The following DNAH3 variants were observed in gnomAD, a reference collection of about 807,000 sequenced individuals.
The protein encoded by DNAH3 is dynein axonemal heavy chain 3.
DNAH3 carries 332 observed loss-of-function variants against 432.5 expected under a neutral mutation model. That is an observed-to-expected ratio of 0.77 (90% CI 0.70 to 0.84). The LOEUF (loss-of-function observed/expected upper bound fraction) is 0.84, where lower values mean the gene tolerates loss of function less well. Ranked by LOEUF, DNAH3 falls within the 40% of genes least tolerant of loss-of-function variation. The pLI is 0.00. For synonymous variants in DNAH3, 1,956 were observed against 1,900.2 expected, an observed-to-expected ratio of 1.03 and a Z score of -0.76; for missense variants, 4,861 against 5,114.0, an observed-to-expected ratio of 0.95 and a Z score of 1.51.
At chr16:20,994,809 A>ATT (rs2086694057) in intron 44 of DNAH3, among the ~76,000 whole-genome samples, 1 of 152,180 alleles carries the variant, frequency 6.6e-6, no homozygotes, top group Non-Finnish European at 1.5e-5. Flanking sequence ...AAAGACAATA[A>ATT]CATCTTTAAG....
chr16:21,154,159 C>T (rs886129259), intron 1 of DNAH3, among the ~76,000 whole-genome samples: 1 of 152,228 alleles, frequency 6.6e-6, no homozygotes, highest in African/African-American at 2.4e-5. Flanking sequence ...ATCCCAGCAG[C>T]TGGGGAGGCC....
chr16:21,099,828 A>C (rs1218306389), intron 16 of DNAH3, among the ~76,000 whole-genome samples: 1 of 152,138 alleles, frequency 6.6e-6, no homozygotes, highest in Non-Finnish European at 1.5e-5. Flanking sequence ...TTATTTATTA[A>C]TTTTTACCCA....
intron 16 of DNAH3, among the ~76,000 whole-genome samples, chr16:21,100,419 A>T (rs565139905): frequency 2.6e-5 from 4 of 152,266 alleles, no homozygotes; most frequent in South Asian, 2.1e-4. Flanking sequence ...ATAAGCTGTA[A>T]TTTTAGACTC....
chr16:20,989,029 C>T lies in DNAH3; in HGVS notation c.6602-964G>A, dbSNP rs1210392314. Among the ~76,000 whole-genome samples the T allele has an allele frequency of 7.2e-5, 11 of 152,170 alleles. No individual in the cohort carries two copies. In the East Asian group the frequency reaches 2.1e-3, roughly 29 times the overall value. Reference sequence around the variant, plus strand: ...TTACAGCTCATAAAAGCAGTGTGGACCCACAGAGTGAGCACCAGTAAGATT... The same window carrying T: ...TTACAGCTCATAAAAGCAGTGTGGATCCACAGAGTGAGCACCAGTAAGATT... On this transcript the variant is annotated intron_variant, in intron 44 of 61. Transcript: ENST00000261383.
exon 4 of DNAH3, chr16:21,141,347 C>T (rs2092716441): frequency 2.5e-6 from 4 of 1,591,128 alleles, no homozygotes; most frequent in African/African-American, 1.3e-5. Context: ...TTTTTTTCCT[C>T]ATGGGCTCTG....
At chr16:21,084,780 G>A (rs115192335) in intron 19 of DNAH3, among the ~76,000 whole-genome samples, 2,193 of 152,218 alleles carry the variant, frequency 0.014, 52 homozygotes, top group African/African-American at 0.049. Flanking sequence ...GCCTGGTTGG[G>A]ATTTTCTGAG....
chr16:21,103,363 G>GC (rs10665686), intron 16 of DNAH3, among the ~76,000 whole-genome samples: 2 of 138,924 alleles, frequency 1.4e-5, no homozygotes, highest in African/African-American at 2.6e-5. Context: ...GTGGGGGGGG[G>GC]CAGGGTGGGG....
chr16:21,051,693 T>A (rs746079237), exon 29 of DNAH3: 1 of 1,613,128 alleles, frequency 6.2e-7, no homozygotes, highest in Non-Finnish European at 8.5e-7. Context: ...CGGTGAGGGG[T>A]GTGATCACCA....
At chr16:21,036,717 G>C (rs1227031456) in exon 35 of DNAH3, 1 of 1,613,844 alleles carries the variant, frequency 6.2e-7, no homozygotes, top group Non-Finnish European at 8.5e-7. Context: ...AACCAACCTG[G>C]ATAATTTTCC....
chr16:21,142,192 C>T (rs2092728093), intron 3 of DNAH3, among the ~76,000 whole-genome samples: 1 of 151,816 alleles, frequency 6.6e-6, no homozygotes, highest in African/African-American at 2.4e-5. Context: ...TGGTGAAATC[C>T]CCCATCTCTA....
intron 1 of DNAH3, chr16:21,159,215 G>C: frequency 9.8e-7 from 1 of 1,017,656 alleles, no homozygotes; most frequent in Non-Finnish European, 1.6e-6. Flanking sequence ...AGATCTGCAA[G>C]TATCAAAGGG....
At chr16:21,006,016 G>T (rs553960385) in intron 41 of DNAH3, among the ~76,000 whole-genome samples, 2 of 152,188 alleles carry the variant, frequency 1.3e-5, no homozygotes, top group East Asian at 3.9e-4. Flanking sequence ...CATTTTAAGA[G>T]AAGTTTCTGC....
chr16:20,986,928 A>G lies in DNAH3; in HGVS notation c.7026+377T>C, dbSNP rs150203500. On this transcript the variant is annotated intron_variant, in intron 47 of 61. Transcript: ENST00000261383. ...AGAAAATATTCACACCTGGAAAACCATAACAATCTTTCACTTGAGCTTTAT... is the reference window on the plus strand; with the variant it reads ...AGAAAATATTCACACCTGGAAAACCGTAACAATCTTTCACTTGAGCTTTAT... 1.7e-4 allele frequency among the ~76,000 whole-genome samples: 26 copies of G among 152,346 alleles called. No individual in the cohort carries two copies. The East Asian group carries it at 4.0e-3, about 24-fold the overall frequency.
intron 17 of DNAH3, among the ~76,000 whole-genome samples, chr16:21,098,047 T>C (rs1435665812): frequency 6.6e-6 from 1 of 152,192 alleles, no homozygotes; most frequent in African/African-American, 2.4e-5. Flanking sequence ...AAATGTTCAA[T>C]AAATGTGAAC....
At chr16:21,080,710 C>T (rs1411486047) in intron 20 of DNAH3, among the ~76,000 whole-genome samples, 16 of 152,144 alleles carry the variant, frequency 1.1e-4, no homozygotes, top group Non-Finnish European at 2.9e-5. Context: ...GCTGATGCAG[C>T]AGATCTGGGT....
At chr16:21,067,888 C>A (rs2090629507) in intron 23 of DNAH3, among the ~76,000 whole-genome samples, 1 of 151,580 alleles carries the variant, frequency 6.6e-6, no homozygotes, top group South Asian at 2.1e-4. Flanking sequence ...GGTTCTAGAT[C>A]CATCTTTTGT....
At chr16:21,074,341 G>A (rs1255185999) in intron 21 of DNAH3, among the ~76,000 whole-genome samples, 1 of 152,140 alleles carries the variant, frequency 6.6e-6, no homozygotes, top group Admixed American at 6.5e-5. Context: ...GGGAGGGGAG[G>A]AGCCAGGAAG....
intron 51 of DNAH3, 104 bp from the exon 52 acceptor site, chr16:20,970,094 C>T: frequency 1.8e-6 from 2 of 1,088,228 alleles, no homozygotes; most frequent in South Asian, 1.3e-5. Context: ...GAGGTGCTTC[C>T]TCTTCCAGAT....
Position 21,020,265 on chromosome 16 carries a change from A to C in DNAH3, c.5777-396T>G, listed in dbSNP as rs562189307. On this transcript the variant is annotated intron_variant, in intron 40 of 61. Transcript: ENST00000261383. ...TCGAACTCCTGAGCTCAAGCAATCC[A>C]CCCACCTCGGCCTCTCAAAATGCTA... Among the ~76,000 whole-genome samples, 12 of 142,426 alleles carry C rather than the reference A, an allele frequency of 8.4e-5. No homozygotes were observed. The South Asian group carries it at 2.5e-3, about 30-fold the overall frequency. The allele number at this position is 142,426 out of a possible 152,430, so 93.4% of individuals were successfully genotyped here.
Sources: allele counts gnomAD v4.1 joint callset (sites outside exome capture counted in the v4.1 genomes callset), GRCh38; gene constraint gnomAD v4.1.1; transcripts MANE v1.5; gene names NCBI Gene and HGNC (gene_info 2026-07-23, HGNC 2026-07-21).